The following SYNPO2 variants were observed in gnomAD, a reference collection of about 807,000 sequenced individuals.
SYNPO2 encodes synaptopodin-2.
Under a neutral mutation model 85.0 loss-of-function variants are expected in SYNPO2, and 56 were observed. The observed-to-expected ratio is 0.66, with a 90% confidence interval of 0.53 to 0.82. SYNPO2 has a LOEUF of 0.82. SYNPO2 is among the 40% of genes least tolerant of loss of function. The probability of loss-of-function intolerance (pLI) is 0.00; values close to 1 mark genes in which losing one functional copy is unlikely to be tolerated. For missense variants in SYNPO2, 1,575 were observed against 1,534.2 expected (o/e 1.03, Z -0.44); for synonymous variants, 602 against 591.1 (o/e 1.02, Z -0.27).
chr4:118,880,807 G>C (rs1347754131), intron 1 of SYNPO2, among the ~76,000 whole-genome samples: 2 of 150,706 alleles, frequency 1.3e-5, no homozygotes, highest in Non-Finnish European at 3.0e-5. Context: ...GTAATTCATT[G>C]ACATTACATT....
intron 1 of SYNPO2, among the ~76,000 whole-genome samples, chr4:118,871,713 C>T (rs1043182050): frequency 1.3e-5 from 2 of 152,032 alleles, no homozygotes; most frequent in African/African-American, 4.8e-5. Context: ...GGACTACAGG[C>T]GCCTGCCACC....
intron 1 of SYNPO2, among the ~76,000 whole-genome samples, chr4:118,940,696 T>C (rs1016110698): frequency 5.9e-5 from 9 of 152,090 alleles, no homozygotes; most frequent in East Asian, 5.8e-4. Flanking sequence ...GAAGCAATGC[T>C]TGGGGCTGAG....
chr4:119,057,290 T>A, intron 4 of SYNPO2, 111 bp from the exon 5 acceptor site: 1 of 1,139,422 alleles, frequency 8.8e-7, no homozygotes, highest in South Asian at 2.3e-5. Flanking sequence ...TTTATTTTTA[T>A]TTTTATTTTT....
At chr4:118,888,740 G>T, upstream of SYNPO2, 1 of 426,726 alleles carries the variant, frequency 2.3e-6, no homozygotes, top group South Asian at 2.9e-5. Flanking sequence ...TCCTGTGTGT[G>T]AAGCTGCTTT....
intron 1 of SYNPO2, among the ~76,000 whole-genome samples, chr4:118,961,091 A>G (rs1166817350): frequency 2.9e-5 from 2 of 69,904 alleles, no homozygotes; most frequent in South Asian, 1.2e-3. Context: ...ACTGGGGGCT[A>G]TTTTACCGCC....
chr4:118,890,733 C>CTGTGTG lies in SYNPO2; in HGVS notation c.105+1610_105+1615dup, dbSNP rs112390582. Among the ~76,000 whole-genome samples the CTGTGTG allele has an allele frequency of 1.1e-3, 139 of 126,210 alleles. 1 individual carries two copies. Among genetic ancestry groups the CTGTGTG allele is most frequent in the East Asian group, 4.3e-3 (17 of 3,994 alleles). The allele number at this position is 126,210 out of a possible 152,430, so 82.8% of individuals were successfully genotyped here. ...TCTCTCTCTCTCTCTCTCTCTCTCT[C>CTGTGTG]TGTGTGTGTGTGTGTGTGTGTGTAG... On this transcript the variant is annotated intron_variant, in intron 1 of 4. Coordinates refer to ENST00000307142, the MANE Select transcript of SYNPO2 (RefSeq NM_133477.3).
intron 1 of SYNPO2, among the ~76,000 whole-genome samples, chr4:118,989,085 C>G (rs1736320681): frequency 6.6e-6 from 1 of 152,284 alleles, no homozygotes; most frequent in Middle Eastern, 3.4e-3. Flanking sequence ...ATTTAAAGGC[C>G]TGGAACTAGG....
At chr4:118,925,452 T>C (rs1733680646) in intron 1 of SYNPO2, among the ~76,000 whole-genome samples, 1 of 152,070 alleles carries the variant, frequency 6.6e-6, no homozygotes, top group African/African-American at 2.4e-5. Context: ...TTTCTAGTCA[T>C]AGTTTATTAT....
chr4:119,054,638 G>A (rs774363833), intron 4 of SYNPO2, among the ~76,000 whole-genome samples: 2 of 152,142 alleles, frequency 1.3e-5, no homozygotes, highest in Admixed American at 6.5e-5. Context: ...TCCCTCTACC[G>A]ACTGAGTCTG....
chr4:118,915,590 G>A (rs1733288555), intron 1 of SYNPO2, among the ~76,000 whole-genome samples: 1 of 152,022 alleles, frequency 6.6e-6, no homozygotes, highest in South Asian at 2.1e-4. Context: ...CCATTCTCTT[G>A]TTGATGGGCA....
chr4:119,030,409 G>T lies in SYNPO2; in HGVS notation c.1634G>T (p.Arg545Ile). Residue 545 changes from arginine to isoleucine, a missense_variant, in exon 4 of 5, where the codon AGA becomes ATA. This residue lies in a region of SYNPO2 where 1,508 missense variants were observed against 1,446.8 expected (regional missense o/e 1.04). Coordinates refer to ENST00000307142, the MANE Select transcript of SYNPO2 (RefSeq NM_133477.3). ...CAAAGAAAGGAGGAAGAGTCGGTAA[G>T]AACGCAGAGCTCTGTGAGCAAAAGC... Reference protein sequence around the residue: ...SYQRKEEESVRTQSSVSKSYI... With the variant: ...SYQRKEEESVITQSSVSKSYI... The T allele has an allele frequency of 1.9e-6, 3 of 1,614,192 alleles. No individual in the cohort carries two copies. In the South Asian group the frequency reaches 3.3e-5, roughly 18 times the overall value.
chr4:119,022,762 ATATTTTATTT>A (rs201911177), intron 1 of SYNPO2, among the ~76,000 whole-genome samples: 18,523 of 109,340 alleles, frequency 0.17, 1,545 homozygotes, highest in Middle Eastern at 0.27. Context: ...ATTTTATTTT[ATATTTTATTT>A]TATTTTATTT....
At chr4:118,882,596 GCTCT>G (rs376935529) in intron 1 of SYNPO2, among the ~76,000 whole-genome samples, 2 of 151,484 alleles carry the variant, frequency 1.3e-5, no homozygotes, top group East Asian at 1.9e-4. Context: ...TAAAATATGT[GCTCT>G]CTCTCTCTCA....
At chr4:119,011,920 C>CTTTTTTTT (rs548974684) in intron 1 of SYNPO2, among the ~76,000 whole-genome samples, 2 of 109,626 alleles carry the variant, frequency 1.8e-5, no homozygotes, top group Admixed American at 1.1e-4. Flanking sequence ...TTTCTATAGA[C>CTTTTTTTT]TTTTTTTTTT....
chr4:118,977,035 G>GGCGCCGT (rs1223213218), intron 1 of SYNPO2, among the ~76,000 whole-genome samples: 1 of 152,182 alleles, frequency 6.6e-6, no homozygotes, highest in East Asian at 1.9e-4. Flanking sequence ...CTGCCAGTCC[G>GGCGCCGT]GCGCCGTGCG....
intron 4 of SYNPO2, among the ~76,000 whole-genome samples, chr4:119,047,635 AC>A (rs1162117939): frequency 1.7e-4 from 26 of 152,238 alleles, no homozygotes; most frequent in African/African-American, 6.3e-4. Context: ...GAACAAAATG[AC>A]CTTCAAAGTG....
At chr4:118,869,044 T>G (rs978526563) in intron 1 of SYNPO2, among the ~76,000 whole-genome samples, 7 of 152,130 alleles carry the variant, frequency 4.6e-5, no homozygotes, top group African/African-American at 1.7e-4. Context: ...ATAATCACTG[T>G]AGGATTGCAA....
intron 1 of SYNPO2, among the ~76,000 whole-genome samples, chr4:118,987,456 G>A (rs772029563): frequency 6.6e-6 from 1 of 152,128 alleles, no homozygotes; most frequent in Non-Finnish European, 1.5e-5. Context: ...GATTGCTTGA[G>A]CCCAGAAGTT....
chr4:119,051,141 G>A (rs1366479724), intron 4 of SYNPO2, among the ~76,000 whole-genome samples: 1 of 147,990 alleles, frequency 6.8e-6, no homozygotes, highest in East Asian at 2.0e-4. Flanking sequence ...ACAAGTAGAT[G>A]TAATCCATGT....
Sources: allele counts gnomAD v4.1 joint callset (sites outside exome capture counted in the v4.1 genomes callset), GRCh38; gene constraint gnomAD v4.1.1; regional missense constraint gnomAD v4.1.1; transcripts MANE v1.5; gene names NCBI Gene and HGNC (gene_info 2026-07-23, HGNC 2026-07-21).